OSBPL10: variants seen among roughly 807,000 people sequenced by gnomAD.
OSBPL10 encodes oxysterol-binding protein-related protein 10.
OSBPL10 carries 49 observed loss-of-function variants against 81.7 expected under a neutral mutation model. That is an observed-to-expected ratio of 0.60 (90% CI 0.48 to 0.76). The LOEUF is 0.76. Among genes scored for constraint, OSBPL10 ranks in the 30% least tolerant of loss-of-function variants. OSBPL10 has a pLI of 0.00. For synonymous variants in OSBPL10, 419 were observed against 383.6 expected, an observed-to-expected ratio of 1.09 and a Z score of -1.08; for missense variants, 923 against 987.8, an observed-to-expected ratio of 0.93 and a Z score of 0.88.
intron 1 of OSBPL10, among the ~76,000 whole-genome samples, chr3:31,898,951 CTTTTTTTTT>C (rs201574850): frequency 2.3e-5 from 2 of 87,344 alleles, no homozygotes; most frequent in African/African-American, 4.6e-5. Flanking sequence ...AACTTTAAAC[CTTTTTTTTT>C]TTTTTTTTTT....
intron 1 of OSBPL10, among the ~76,000 whole-genome samples, chr3:32,050,852 G>T (rs1195209356): frequency 6.6e-6 from 1 of 151,942 alleles, no homozygotes; most frequent in Non-Finnish European, 1.5e-5. Flanking sequence ...GTAGAGATGG[G>T]GTTTCTCCAT....
chr3:31,781,251 C>T (rs769879002), intron 4 of OSBPL10, among the ~76,000 whole-genome samples: 1 of 152,062 alleles, frequency 6.6e-6, no homozygotes, highest in Non-Finnish European at 1.5e-5. Context: ...AAGCATTTGA[C>T]AAAATCCAGC....
At chr3:32,029,067 G>A (rs992046187) in intron 2 of OSBPL10, among the ~76,000 whole-genome samples, 4 of 151,352 alleles carry the variant, frequency 2.6e-5, no homozygotes, top group African/African-American at 9.7e-5. Flanking sequence ...GGTCACAGCC[G>A]GCACCAGTGA....
At chr3:31,789,455 C>G (rs1698954020) in intron 4 of OSBPL10, among the ~76,000 whole-genome samples, 1 of 152,146 alleles carries the variant, frequency 6.6e-6, no homozygotes, top group South Asian at 2.1e-4. Flanking sequence ...CAGAACAAAG[C>G]TTAGAAGTCT....
At chr3:31,686,535 C>T (rs182224353) in intron 7 of OSBPL10, among the ~76,000 whole-genome samples, 7 of 152,210 alleles carry the variant, frequency 4.6e-5, no homozygotes, top group Admixed American at 2.0e-4. Context: ...CATATCTGTC[C>T]GGGTGACAGA....
intron 2 of OSBPL10, among the ~76,000 whole-genome samples, chr3:32,028,361 C>A (rs1699435732): frequency 6.6e-6 from 1 of 152,134 alleles, no homozygotes; most frequent in African/African-American, 2.4e-5. Context: ...AAAACATTTC[C>A]TCTTGCATTT....
At chr3:31,991,915 T>TTGGG (rs1395169992) in intron 2 of OSBPL10, among the ~76,000 whole-genome samples, 1 of 151,416 alleles carries the variant, frequency 6.6e-6, no homozygotes, top group East Asian at 1.9e-4. Context: ...TCCCAGCACT[T>TTGGG]TGGGTGGATC....
intron 7 of OSBPL10, among the ~76,000 whole-genome samples, chr3:31,687,021 A>T (rs999400675): frequency 6.6e-6 from 1 of 152,176 alleles, no homozygotes; most frequent in Non-Finnish European, 1.5e-5. Context: ...TGTGAATTTA[A>T]GCAGCTTGGA....
chr3:31,726,380 G>A (rs926461981), intron 6 of OSBPL10, among the ~76,000 whole-genome samples: 1 of 151,880 alleles, frequency 6.6e-6, no homozygotes. Context: ...GCAGTGGCAC[G>A]ATCTCTGCTC....
chr3:32,030,731 TAAAA>T (rs1198600720), intron 2 of OSBPL10: 1 of 674,230 alleles, frequency 1.5e-6, no homozygotes, highest in African/African-American at 1.8e-5. Flanking sequence ...AATAAATAAA[TAAAA>T]AATTACTAAG....
chr3:31,855,485 TTTC>T (rs1220546898), intron 3 of OSBPL10, among the ~76,000 whole-genome samples: 1 of 152,186 alleles, frequency 6.6e-6, no homozygotes, highest in Non-Finnish European at 1.5e-5. Context: ...TTGTTTTACT[TTTC>T]TTCATAGAAC....
chr3:31,945,643 CTGTCA>C, intron 1 of OSBPL10, among the ~76,000 whole-genome samples: 1 of 152,324 alleles, frequency 6.6e-6, no homozygotes, highest in Non-Finnish European at 1.5e-5. Context: ...AGCAGCTGCC[CTGTCA>C]GATGTGATGC....
chr3:31,851,202 C>A (rs1339072410), intron 3 of OSBPL10, among the ~76,000 whole-genome samples: 1 of 152,236 alleles, frequency 6.6e-6, no homozygotes, highest in Non-Finnish European at 1.5e-5. Flanking sequence ...CTGTACTATG[C>A]ATCCCACTGG....
chr3:31,725,795 G>A (rs1293960084), intron 6 of OSBPL10, among the ~76,000 whole-genome samples: 1 of 152,076 alleles, frequency 6.6e-6, no homozygotes, highest in Non-Finnish European at 1.5e-5. Flanking sequence ...GAACGAGAAG[G>A]AAGCATGCCC....
intron 5 of OSBPL10, among the ~76,000 whole-genome samples, chr3:31,744,106 T>G (rs1271098411): frequency 6.6e-6 from 1 of 152,196 alleles, no homozygotes; most frequent in Non-Finnish European, 1.5e-5. Flanking sequence ...TAGGTTGTTT[T>G]AAAACTTCAG....
intron 4 of OSBPL10, among the ~76,000 whole-genome samples, chr3:31,769,255 C>T (rs1698287714): frequency 6.6e-6 from 1 of 151,560 alleles, no homozygotes; most frequent in East Asian, 1.9e-4. Context: ...CCAGCCTGAC[C>T]AACATGGAGA....
chr3:31,782,650 CAAAAG>C lies in OSBPL10; in HGVS notation c.730-34535_730-34531del, dbSNP rs1385576115. Among the ~76,000 whole-genome samples the C allele has an allele frequency of 2.0e-5, 3 of 152,230 alleles. No homozygotes were observed. In the East Asian group the frequency reaches 5.8e-4, roughly 29 times the overall value. On this transcript the variant is annotated intron_variant, in intron 4 of 11. Coordinates refer to ENST00000396556, the MANE Select transcript of OSBPL10 (RefSeq NM_017784.5). ...GCTAAGGACATGAATAGACAGTTCT[CAAAAG>C]AAGATACACAAATGGCCAAACACAG...
intron 1 of OSBPL10, among the ~76,000 whole-genome samples, chr3:31,969,756 A>G (rs1180840693): frequency 5.3e-5 from 8 of 151,998 alleles, no homozygotes; most frequent in Admixed American, 1.3e-4. Flanking sequence ...TCCGGAGGCT[A>G]AGGCAGGAGA....
At chr3:31,785,437 G>C (rs1698837229) in intron 4 of OSBPL10, among the ~76,000 whole-genome samples, 1 of 152,120 alleles carries the variant, frequency 6.6e-6, no homozygotes, top group Non-Finnish European at 1.5e-5. Flanking sequence ...ATAAAATCCA[G>C]ATCTGGCCAG....
Sources: gnomAD v4.1 joint callset for allele counts (sites outside exome capture counted in the v4.1 genomes callset) on GRCh38, gnomAD v4.1.1 for gene constraint, MANE v1.5 for transcripts, NCBI Gene and HGNC (gene_info 2026-07-23, HGNC 2026-07-21) for gene names.